The following PRORP variants were observed in gnomAD, a reference collection of about 807,000 sequenced individuals.
PRORP encodes the protein protein only RNase P catalytic subunit.
Under a neutral mutation model 59.4 loss-of-function variants are expected in PRORP, and 51 were observed. That is an observed-to-expected ratio of 0.86 (90% CI 0.69 to 1.08). The LOEUF is 1.08. PRORP is among the 50% of genes least tolerant of loss of function. The pLI, the probability that PRORP is intolerant of heterozygous loss-of-function variation, is 0.00. For synonymous variants in PRORP, 231 were observed against 245.6 expected, an observed-to-expected ratio of 0.94 and a Z score of 0.55; for missense variants, 646 against 690.3, an observed-to-expected ratio of 0.94 and a Z score of 0.72.
chr14:35,170,468 C>T (rs2048287603), intron 4 of PRORP, among the ~76,000 whole-genome samples: 1 of 152,070 alleles, frequency 6.6e-6, no homozygotes, highest in South Asian at 2.1e-4. Flanking sequence ...TTGGGCTTTA[C>T]AATCTGAATC....
intron 4 of PRORP, among the ~76,000 whole-genome samples, chr14:35,133,955 C>G (rs1397191249): frequency 6.6e-6 from 1 of 152,176 alleles, no homozygotes; most frequent in Non-Finnish European, 1.5e-5. Flanking sequence ...CTGGATCTTG[C>G]CCAAAGCCTG....
intron 6 of PRORP, among the ~76,000 whole-genome samples, chr14:35,267,272 C>A (rs2051065226): frequency 6.6e-6 from 1 of 152,082 alleles, no homozygotes; most frequent in South Asian, 2.1e-4. Context: ...TTAGAATTTA[C>A]AATAAACAGA....
chr14:35,181,718 G>C (rs1475437436), intron 5 of PRORP, among the ~76,000 whole-genome samples: 1 of 149,704 alleles, frequency 6.7e-6, no homozygotes, highest in Non-Finnish European at 1.5e-5. Context: ...CTGGGAGGCG[G>C]AGGTTGCAGT....
rs757882897 is a variant in PRORP, at chr14:35,266,720, T to G, written c.1276-7T>G. 1.9e-6 allele frequency: 3 copies of G among 1,612,946 alleles called. No individual in the cohort carries two copies. Among genetic ancestry groups the G allele is most frequent in the South Asian group, 2.2e-5 (2 of 90,842 alleles). On this transcript the variant is annotated splice_region_variant and splice_polypyrimidine_tract_variant and intron_variant, in intron 5 of 7. Coordinates refer to ENST00000534898, the MANE Select transcript of PRORP (RefSeq NM_014672.4). ...AACTTTTGTGGTTCTGGCTTTGTGT[T>G]TTTTAGCTCTTGAATGTCGTCTCTC...
intron 5 of PRORP, among the ~76,000 whole-genome samples, chr14:35,221,576 G>A (rs2049784878): frequency 6.6e-6 from 1 of 152,078 alleles, no homozygotes; most frequent in Non-Finnish European, 1.5e-5. Flanking sequence ...CCTCACCCTG[G>A]CTCCAGCCCT....
chr14:35,180,585 A>G, intron 4 of PRORP, 85 bp from the exon 5 acceptor site: 1 of 703,258 alleles, frequency 1.4e-6, no homozygotes, highest in South Asian at 1.7e-5. Flanking sequence ...AATTATCAAA[A>G]CAATAATAAA....
chr14:35,237,779 C>G (rs1375826627), intron 5 of PRORP, among the ~76,000 whole-genome samples: 1 of 152,114 alleles, frequency 6.6e-6, no homozygotes, highest in Non-Finnish European at 1.5e-5. Context: ...CTGCCTCAGC[C>G]TCCGCTGGGA....
intron 5 of PRORP, among the ~76,000 whole-genome samples, chr14:35,187,256 C>T (rs2048763833): frequency 6.6e-6 from 1 of 152,118 alleles, no homozygotes; most frequent in African/African-American, 2.4e-5. Context: ...GCATCTGCAC[C>T]ATTTTGCATT....
intron 5 of PRORP, among the ~76,000 whole-genome samples, chr14:35,253,331 CAAA>C (rs1344336297): frequency 1.5e-5 from 1 of 68,172 alleles, no homozygotes; most frequent in Non-Finnish European, 3.0e-5. Flanking sequence ...GAGACTGTTT[CAAA>C]AAAAAAAAAA....
intron 5 of PRORP, among the ~76,000 whole-genome samples, chr14:35,211,886 A>C (rs1033932535): frequency 7.2e-5 from 11 of 152,218 alleles, no homozygotes; most frequent in Non-Finnish European, 5.9e-5. Flanking sequence ...TGTAGCACGC[A>C]ATGCTGTTTG....
intron 5 of PRORP, among the ~76,000 whole-genome samples, chr14:35,259,544 T>C (rs912778262): frequency 9.2e-5 from 14 of 152,232 alleles, no homozygotes; most frequent in African/African-American, 2.9e-4. Context: ...CTATGGACTA[T>C]TGAACTTTTT....
chr14:35,141,758 C>T (rs1470184992), intron 4 of PRORP, among the ~76,000 whole-genome samples: 2 of 145,216 alleles, frequency 1.4e-5, no homozygotes, highest in Admixed American at 1.4e-4. Flanking sequence ...GCTCTGTCAC[C>T]TAAGCTGGAG....
At chr14:35,149,965 T>C (rs1431036992) in intron 4 of PRORP, among the ~76,000 whole-genome samples, 2 of 152,188 alleles carry the variant, frequency 1.3e-5, no homozygotes, top group Non-Finnish European at 2.9e-5. Flanking sequence ...GCAATCCTCA[T>C]GCCTCAGCCT....
At chr14:35,133,829 A>G (rs553777110) in intron 4 of PRORP, among the ~76,000 whole-genome samples, 60 of 152,268 alleles carry the variant, frequency 3.9e-4, no homozygotes, top group African/African-American at 1.4e-3. Context: ...TTTCCTAAAC[A>G]AACAGTCTCT....
At chr14:35,232,309 A>G (rs767748916) in intron 5 of PRORP, among the ~76,000 whole-genome samples, 1 of 151,404 alleles carries the variant, frequency 6.6e-6, no homozygotes, top group South Asian at 2.1e-4. Flanking sequence ...GGCCTCAAGC[A>G]GTCCTCTCAC....
At chr14:35,224,937 G>A (rs1466811919) in intron 5 of PRORP, among the ~76,000 whole-genome samples, 1 of 151,702 alleles carries the variant, frequency 6.6e-6, no homozygotes, top group Non-Finnish European at 1.5e-5. Flanking sequence ...TTTATTGATT[G>A]TGTCCAGGGT....
At chr14:35,230,941 A>ACACACT (rs2050062432) in intron 5 of PRORP, among the ~76,000 whole-genome samples, 1 of 45,776 alleles carries the variant, frequency 2.2e-5, no homozygotes, top group Non-Finnish European at 4.7e-5. Flanking sequence ...AAAAGAGAAC[A>ACACACT]CACACACACA....
intron 5 of PRORP, among the ~76,000 whole-genome samples, chr14:35,188,876 G>A (rs113505504): frequency 0.059 from 8,776 of 149,362 alleles, 481 homozygotes; most frequent in Admixed American, 0.17. Flanking sequence ...CTCGGGAGGC[G>A]GAGGTTGCAG....
intron 5 of PRORP, 87 bp downstream of exon 5, chr14:35,180,864 C>T (rs1358725820): frequency 7.2e-6 from 6 of 831,432 alleles, no homozygotes; most frequent in Non-Finnish European, 9.6e-6. Flanking sequence ...CTTAGCTCCT[C>T]AGTTTTTCTT....
Sources: gnomAD v4.1 joint callset for allele counts (sites outside exome capture counted in the v4.1 genomes callset) on GRCh38, gnomAD v4.1.1 for gene constraint, MANE v1.5 for transcripts, NCBI Gene and HGNC (gene_info 2026-07-23, HGNC 2026-07-21) for gene names.